Variants in CUL3 observed in about 807,000 individuals in gnomAD.
CUL3 encodes the protein cullin 3, also known as cullin-3.
In CUL3, 19 loss-of-function variants were observed where a neutral mutation model predicts 89.1. The observed-to-expected ratio is 0.21, with a 90% confidence interval of 0.15 to 0.31. CUL3 has a LOEUF of 0.31. Ranked by LOEUF, CUL3 falls within the 10% of genes least tolerant of loss-of-function variation. The pLI is 1.00. For missense variants in CUL3, 469 were observed against 942.3 expected, an observed-to-expected ratio of 0.50 and a Z score of 6.58; for synonymous variants, 351 against 308.4, an observed-to-expected ratio of 1.14 and a Z score of -1.45.
In CUL3 at chr2:224,558,019, GA is replaced by G. The variant is rs139538790; in HGVS notation, c.67-164del. On this transcript the variant is annotated intron_variant, in intron 1 of 15. Transcript: ENST00000264414. Reference sequence around the variant, plus strand: ...CATTAACAACCTATTTTAACAGGGGGAAAAAAAGGATACATTTAAAAATAGG... The same window carrying G: ...CATTAACAACCTATTTTAACAGGGGGAAAAAAGGATACATTTAAAAATAGG... Among the ~76,000 whole-genome samples, 1,254 of 151,594 alleles carry G rather than the reference GA, an allele frequency of 8.3e-3. 9 individuals are homozygous for G. Among genetic ancestry groups the G allele is most frequent in the African/African-American group, 0.029 (1,193 of 41,332 alleles).
chr2:224,527,045 T>A (rs1693507450), intron 3 of CUL3, among the ~76,000 whole-genome samples: 2 of 152,152 alleles, frequency 1.3e-5, no homozygotes, highest in African/African-American at 4.8e-5. Flanking sequence ...TATAAAAAGA[T>A]GCCGGGGTAC....
intron 2 of CUL3, among the ~76,000 whole-genome samples, chr2:224,540,879 G>T (rs1559196583): frequency 6.6e-6 from 1 of 152,038 alleles, no homozygotes; most frequent in Non-Finnish European, 1.5e-5. Context: ...TCAATGTTCA[G>T]CTCCCACTTA....
At chr2:224,529,636 C>T (rs1693616125) in intron 3 of CUL3, among the ~76,000 whole-genome samples, 1 of 151,566 alleles carries the variant, frequency 6.6e-6, no homozygotes. Context: ...AAGAATGAAT[C>T]AAATTAACGT....
chr2:224,472,025 C>T lies in CUL3; in HGVS notation c.*2220G>A, dbSNP rs1055790529. 2.2e-5 allele frequency: 5 copies of T among 230,770 alleles called. No individual in the cohort carries two copies. The highest frequency in any genetic ancestry group is 4.3e-5 in the Non-Finnish European group (5 of 116,626). 14.3% of individuals were successfully genotyped at this position (230,770 alleles called of 1,614,324 possible). On this transcript the variant is annotated 3_prime_UTR_variant, in exon 16 of 16. Coordinates refer to ENST00000264414, the MANE Select transcript of CUL3 (RefSeq NM_003590.5). The stretch of plus-strand genomic sequence containing the variant: ...CAATGTTAAATGTATTTTGTTATAA[C>T]CTTTATGACCTAAAATAATACTTAT...
intron 1 of CUL3, among the ~76,000 whole-genome samples, chr2:224,568,116 T>A (rs1401074774): frequency 6.6e-6 from 1 of 152,188 alleles, no homozygotes; most frequent in Admixed American, 6.5e-5. Context: ...TTTACACATA[T>A]CTTCTGAACA....
At chr2:224,511,852 GTATA>G (rs1360502267) in intron 5 of CUL3, among the ~76,000 whole-genome samples, 1 of 152,156 alleles carries the variant, frequency 6.6e-6, no homozygotes, top group Non-Finnish European at 1.5e-5. Flanking sequence ...AGCAGAACAA[GTATA>G]TACACGCCAG....
At position 224,506,047 on chromosome 2, in the gene CUL3, C is replaced by T. The variant is rs768198746; in HGVS notation, c.1115G>A (p.Gly372Asp). 6.2e-7 allele frequency: 1 copy of T among 1,612,516 alleles called. No homozygotes were observed. Among genetic ancestry groups the T allele is most frequent in the Non-Finnish European group, 8.5e-7 (1 of 1,179,042 alleles). Residue 372 changes from glycine to aspartate, a missense_variant, in exon 8 of 16, where the codon GGT (glycine) becomes GAT (aspartate). Physicochemically the swap from Gly to Asp is moderately conservative, Grantham distance 94 (BLOSUM62 -1). Coordinates refer to ENST00000264414, the MANE Select transcript of CUL3 (RefSeq NM_003590.5). ...GAGGTTGAGAAAATACTCAAAGTCA[C>T]CCGCAATAGTTTGTTTAAAGAGACG... ...NDRLFKQTIA[G>D]DFEYFLNLNS...
intron 2 of CUL3, among the ~76,000 whole-genome samples, chr2:224,551,237 ACT>A (rs1694504369): frequency 7.5e-6 from 1 of 133,814 alleles, no homozygotes; most frequent in African/African-American, 2.9e-5. Context: ...ACGGAGTCTC[ACT>A]CTGTCGCCCA....
intron 3 of CUL3, among the ~76,000 whole-genome samples, chr2:224,528,146 C>T (rs1693546249): frequency 1.3e-5 from 2 of 152,142 alleles, no homozygotes; most frequent in South Asian, 4.1e-4. Flanking sequence ...TTTATCTATT[C>T]TCTTATATTC....
chr2:224,535,495 A>G (rs1393545860), intron 3 of CUL3, 33 bp downstream of exon 3: 1 of 1,439,224 alleles, frequency 6.9e-7, no homozygotes, highest in Non-Finnish European at 9.5e-7. Context: ...TTAACTGCTT[A>G]AAGGAAGAAA....
At chr2:224,498,663 T>A (rs1254037300) in intron 11 of CUL3, among the ~76,000 whole-genome samples, 1 of 152,188 alleles carries the variant, frequency 6.6e-6, no homozygotes, top group African/African-American at 2.4e-5. Context: ...TGTGTGCATG[T>A]CTAAAGTGTT....
At chr2:224,479,541 A>C (rs191759352) in intron 14 of CUL3, 1 of 152,218 alleles carries the variant, frequency 6.6e-6, no homozygotes, top group Non-Finnish European at 1.5e-5. Flanking sequence ...AGTGAGATAT[A>C]AAAGAAATTT....
intron 1 of CUL3, among the ~76,000 whole-genome samples, chr2:224,571,082 TCTCA>T (rs1160944411): frequency 1.3e-5 from 2 of 152,190 alleles, no homozygotes; most frequent in Non-Finnish European, 2.9e-5. Context: ...ATGTAAGTAC[TCTCA>T]CTGAGGTAAA....
intron 2 of CUL3, among the ~76,000 whole-genome samples, chr2:224,540,762 A>G (rs1047156232): frequency 6.6e-6 from 1 of 152,188 alleles, no homozygotes; most frequent in African/African-American, 2.4e-5. Flanking sequence ...TATGTGTGCC[A>G]TGGTGGTTTG....
intron 3 of CUL3, among the ~76,000 whole-genome samples, chr2:224,521,851 G>A (rs1693278691): frequency 6.6e-6 from 1 of 151,758 alleles, no homozygotes; most frequent in East Asian, 1.9e-4. Flanking sequence ...GGTCTTTTAA[G>A]CTAACTGTCA....
At chr2:224,543,694 G>C (rs574590370) in intron 2 of CUL3, among the ~76,000 whole-genome samples, 1 of 152,150 alleles carries the variant, frequency 6.6e-6, no homozygotes, top group African/African-American at 2.4e-5. Flanking sequence ...AAAAGTTTCG[G>C]ATTTTGGCCT....
At chr2:224,498,188 T>C (rs1321795269) in intron 11 of CUL3, among the ~76,000 whole-genome samples, 2 of 152,166 alleles carry the variant, frequency 1.3e-5, no homozygotes, top group Non-Finnish European at 2.9e-5. Flanking sequence ...TCTAAGTCAG[T>C]AGCAGACATC....
Position 224,585,126 on chromosome 2 carries a change from G to A in CUL3, c.-117C>T, listed in dbSNP as rs1385688652. The A allele has an allele frequency of 4.2e-6, 3 of 719,924 alleles. No homozygotes were observed. The highest frequency in any genetic ancestry group is 2.0e-5 in the African/African-American group (1 of 50,954). The allele number at this position is 719,924 out of a possible 1,614,324, so 44.6% of individuals were successfully genotyped here. A position where few individuals can be genotyped will look rare whatever the true frequency, so the allele number is the denominator to read the frequency against. On this transcript the variant is annotated 5_prime_UTR_variant, in exon 1 of 16. Transcript: ENST00000264414. The stretch of plus-strand genomic sequence containing the variant: ...TGGGGGCGGCGGCGGCGCGACCCCC[G>A]GGCAGGGCTGGGGAGCTGGCCGGCC...
chr2:224,541,945 A>T (rs1255268493), intron 2 of CUL3, among the ~76,000 whole-genome samples: 2 of 152,328 alleles, frequency 1.3e-5, no homozygotes, highest in South Asian at 4.1e-4. Flanking sequence ...ACTGGGGTCA[A>T]GCAACTGTTC....
Sources: allele counts gnomAD v4.1 joint callset (sites outside exome capture counted in the v4.1 genomes callset), GRCh38; gene constraint gnomAD v4.1.1; transcripts MANE v1.5; gene names NCBI Gene and HGNC (gene_info 2026-07-23, HGNC 2026-07-21).